The following TNN variants were observed in gnomAD, a reference collection of about 807,000 sequenced individuals.
The protein encoded by TNN is tenascin-N.
In TNN, 122 loss-of-function variants were observed where a neutral mutation model predicts 134.4. That is an observed-to-expected ratio of 0.91 (90% CI 0.78 to 1.06). The LOEUF is 1.06. TNN is among the 50% of genes least tolerant of loss of function. The probability of loss-of-function intolerance (pLI) is 0.00; values close to 1 mark genes in which losing one functional copy is unlikely to be tolerated. For missense variants in TNN, 1,739 were observed against 1,699.4 expected (o/e 1.02, Z -0.41); for synonymous variants, 710 against 670.3 (o/e 1.06, Z -0.91).
chr1:175,128,013 T>C lies in TNN; in HGVS notation c.3046-19T>C, dbSNP rs750223916. 1.3e-5 allele frequency: 21 copies of C among 1,613,920 alleles called. No homozygotes were observed. Among genetic ancestry groups the C allele is most frequent in the Non-Finnish European group, 1.7e-5 (20 of 1,179,958 alleles). On this transcript the variant is annotated intron_variant, in intron 13 of 18. Coordinates refer to ENST00000239462, the MANE Select transcript of TNN (RefSeq NM_022093.2). ...ATAAACTGAGTCACTGGCTGTCTAA[T>C]CTCTCCCTTGTTTGGTAGGAGATGC...
At chr1:175,121,630 G>T (rs1041283552) in intron 11 of TNN, among the ~76,000 whole-genome samples, 4 of 152,218 alleles carry the variant, frequency 2.6e-5, no homozygotes, top group African/African-American at 4.8e-5. Flanking sequence ...GCAAAATGCT[G>T]CTTGTCTAGG....
At chr1:175,132,330 C>G (rs1675695492) in intron 15 of TNN, among the ~76,000 whole-genome samples, 1 of 152,194 alleles carries the variant, frequency 6.6e-6, no homozygotes, top group South Asian at 2.1e-4. Flanking sequence ...CTGTAGGACT[C>G]TGGATACTCG....
intron 17 of TNN, among the ~76,000 whole-genome samples, chr1:175,140,464 T>C (rs1675919560): frequency 6.6e-6 from 1 of 152,242 alleles, no homozygotes; most frequent in African/African-American, 2.4e-5. Flanking sequence ...CCTCCCGGGC[T>C]GCACATTTCC....
intron 6 of TNN, among the ~76,000 whole-genome samples, chr1:175,086,559 G>A (rs149747396): frequency 1.2e-4 from 18 of 152,310 alleles, no homozygotes; most frequent in African/African-American, 4.3e-4. Context: ...GAGTCTTTGA[G>A]TTTTGAGTCT....
At chr1:175,110,558 G>A (rs1160238800) in intron 9 of TNN, among the ~76,000 whole-genome samples, 1 of 152,218 alleles carries the variant, frequency 6.6e-6, no homozygotes, top group Non-Finnish European at 1.5e-5. Context: ...GTGAGAAATA[G>A]AGGTCTAGTT....
intron 2 of TNN, among the ~76,000 whole-genome samples, chr1:175,078,401 T>G (rs772050546): frequency 6.6e-6 from 1 of 152,012 alleles, no homozygotes; most frequent in Non-Finnish European, 1.5e-5. Context: ...AATTGTAAAA[T>G]AATTACAATT....
At chr1:175,109,072 ATTT>A (rs1160268455) in intron 9 of TNN, among the ~76,000 whole-genome samples, 32 of 61,976 alleles carry the variant, frequency 5.2e-4, no homozygotes, top group South Asian at 1.7e-3. Context: ...ATCTAACTGT[ATTT>A]TTTTTTTTTT....
chr1:175,138,195 T>G (rs759133575), intron 17 of TNN, among the ~76,000 whole-genome samples: 17 of 152,212 alleles, frequency 1.1e-4, no homozygotes, highest in Non-Finnish European at 2.1e-4. Flanking sequence ...GGGGCCATGA[T>G]CTGGGTGGCC....
rs142288098 is a variant in TNN, at chr1:175,094,588, T to C, written c.1588+335T>C. Among the ~76,000 whole-genome samples, 169 of 152,332 alleles carry C rather than the reference T, an allele frequency of 1.1e-3. 1 individual carries two copies. Among genetic ancestry groups the C allele is most frequent in the African/African-American group, 3.9e-3 (164 of 41,568 alleles). On this transcript the variant is annotated intron_variant, in intron 7 of 18. Transcript: ENST00000239462. ...GGCTGACAGTGAATTTGAATGCTTA[T>C]CTCAGTTTGCAGTGGCTGTGCAGGC...
chr1:175,100,389 A>ATTGAAAACTGCTTATTCAAGG (rs1205632940), intron 9 of TNN, among the ~76,000 whole-genome samples: 47 of 152,358 alleles, frequency 3.1e-4, no homozygotes, highest in Non-Finnish European at 6.5e-4. Flanking sequence ...AAGGGATTCC[A>ATTGAAAACTGCTTATTCAAGG]TTGAAAACTG....
At chr1:175,127,341 G>A (rs191941267) in intron 13 of TNN, among the ~76,000 whole-genome samples, 16 of 152,308 alleles carry the variant, frequency 1.1e-4, no homozygotes, top group African/African-American at 3.4e-4. Context: ...GTAGGTGTTC[G>A]ATATATATTT....
chr1:175,107,094 TG>T, intron 9 of TNN, among the ~76,000 whole-genome samples: 1 of 146,294 alleles, frequency 6.8e-6, no homozygotes, highest in Middle Eastern at 3.5e-3. Flanking sequence ...AGTCCCTTCG[TG>T]GTCGCCAAAA....
intron 11 of TNN, among the ~76,000 whole-genome samples, chr1:175,122,429 G>C (rs149812665): frequency 6.6e-6 from 1 of 152,158 alleles, no homozygotes; most frequent in Non-Finnish European, 1.5e-5. Flanking sequence ...GAGAAAGGGA[G>C]CTTTGGGTGC....
Position 175,094,104 on chromosome 1 carries a change from C to T in TNN, c.1439C>T (p.Ala480Val). Residue 480 changes from alanine (A) to valine (V), a missense_variant, in exon 7 of 19, where the codon GCT becomes GTT. Coordinates refer to ENST00000239462, the MANE Select transcript of TNN (RefSeq NM_022093.2). ...AAGTATGTAGTGCGCTACACTTCTGCTGATGGGGACACCAAGGAAATGGCA... is the reference window on the plus strand; with the variant it reads ...AAGTATGTAGTGCGCTACACTTCTGTTGATGGGGACACCAAGGAAATGGCA... ...IDKYVVRYTS[A>V]DGDTKEMAVH... The T allele has an allele frequency of 1.2e-6, 2 of 1,614,214 alleles. No homozygotes were observed. Among genetic ancestry groups the T allele is most frequent in the South Asian group, 1.1e-5 (1 of 91,080 alleles).
At position 175,095,854 on chromosome 1, in the gene TNN, C is replaced by T. The variant is rs116072883; in HGVS notation, c.1589-1563C>T. 3.4e-3 allele frequency among the ~76,000 whole-genome samples: 521 copies of T among 152,314 alleles called. 5 individuals are homozygous for T. Among genetic ancestry groups the T allele is most frequent in the African/African-American group, 0.012 (502 of 41,572 alleles). ...CTCCCAAAGTGCTGGGAAATACAGG[C>T]GTGAGCCACCACGCCCGGCCCATTT... On this transcript the variant is annotated intron_variant, in intron 7 of 18. Transcript: ENST00000239462.
intron 9 of TNN, among the ~76,000 whole-genome samples, chr1:175,115,276 A>G (rs530237814): frequency 1.3e-5 from 2 of 152,022 alleles, no homozygotes; most frequent in African/African-American, 4.8e-5. Flanking sequence ...CCTCAACACC[A>G]TTTTCCTGGG....
chr1:175,086,975 T>A (rs1674335382), intron 6 of TNN, among the ~76,000 whole-genome samples: 1 of 152,220 alleles, frequency 6.6e-6, no homozygotes. Flanking sequence ...GATACTATTA[T>A]TATTTCTCTG....
intron 1 of TNN, among the ~76,000 whole-genome samples, chr1:175,076,923 A>G (rs1674054927): frequency 6.6e-6 from 1 of 152,254 alleles, no homozygotes; most frequent in Admixed American, 6.5e-5. Context: ...TGAGAATGGA[A>G]TGAGTTAATA....
chr1:175,119,889 T>C (rs1045296030), intron 11 of TNN, among the ~76,000 whole-genome samples: 7 of 152,138 alleles, frequency 4.6e-5, no homozygotes, highest in Admixed American at 2.6e-4. Flanking sequence ...CCGCCTACCA[T>C]GGCCTCCCAA....
Sources: gnomAD v4.1 joint callset for allele counts (sites outside exome capture counted in the v4.1 genomes callset) on GRCh38, gnomAD v4.1.1 for gene constraint, MANE v1.5 for transcripts, NCBI Gene and HGNC (gene_info 2026-07-23, HGNC 2026-07-21) for gene names.